The following CTNNA2 variants were observed in gnomAD, a reference collection of about 807,000 sequenced individuals.
CTNNA2 encodes catenin alpha-2.
A neutral mutation model predicts 101.0 loss-of-function variants in CTNNA2; 42 were observed. The observed-to-expected ratio is 0.42, with a 90% CI of 0.32 to 0.54. The LOEUF is 0.54. Among genes scored for constraint, CTNNA2 ranks in the 20% least tolerant of loss-of-function variants. The pLI is 0.14. For missense variants in CTNNA2, 871 were observed against 1,223.1 expected, an observed-to-expected ratio of 0.71 and a Z score of 4.29; for synonymous variants, 450 against 456.4, an observed-to-expected ratio of 0.99 and a Z score of 0.18.
intron 4 of CTNNA2, among the ~76,000 whole-genome samples, chr2:79,401,302 A>T (rs1678287485): frequency 6.6e-6 from 1 of 151,552 alleles, no homozygotes; most frequent in African/African-American, 2.4e-5. Context: ...GAAAAACTGA[A>T]CACCATTAAA....
intron 9 of CTNNA2, among the ~76,000 whole-genome samples, chr2:80,511,451 A>G (rs972163467): frequency 2.0e-5 from 3 of 152,154 alleles, no homozygotes; most frequent in Non-Finnish European, 4.4e-5. Flanking sequence ...ATCTTATACA[A>G]CTTCTATCCC....
At chr2:79,493,149 T>TA (rs1381003839) in intron 4 of CTNNA2, among the ~76,000 whole-genome samples, 1 of 151,034 alleles carries the variant, frequency 6.6e-6, no homozygotes, top group African/African-American at 2.4e-5. Flanking sequence ...CATTGTTATT[T>TA]AACATCATAC....
chr2:79,900,601 C>T (rs963572512), intron 6 of CTNNA2, among the ~76,000 whole-genome samples: 2 of 152,098 alleles, frequency 1.3e-5, no homozygotes, highest in South Asian at 2.1e-4. Context: ...TTTGCCCCCT[C>T]TTCGTTATGT....
At chr2:80,312,013 A>G (rs1406714329) in intron 7 of CTNNA2, among the ~76,000 whole-genome samples, 1 of 152,234 alleles carries the variant, frequency 6.6e-6, no homozygotes, top group East Asian at 1.9e-4. Flanking sequence ...AGACAACTAC[A>G]GTTCTTCTAC....
At chr2:80,642,679 T>C (rs894367881) in intron 18 of CTNNA2, among the ~76,000 whole-genome samples, 5 of 152,208 alleles carry the variant, frequency 3.3e-5, no homozygotes, top group Admixed American at 2.6e-4. Context: ...TAAGTCCTGT[T>C]TGAATGAAGT....
chr2:80,107,163 A>G (rs1018185985), intron 7 of CTNNA2, among the ~76,000 whole-genome samples: 31 of 152,168 alleles, frequency 2.0e-4, no homozygotes, highest in African/African-American at 5.8e-4. Flanking sequence ...CCCATGGCCC[A>G]AAGTGAGAAC....
chr2:79,423,908 A>G (rs1678566040), intron 4 of CTNNA2, among the ~76,000 whole-genome samples: 1 of 152,074 alleles, frequency 6.6e-6, no homozygotes, highest in Admixed American at 6.6e-5. Context: ...CTACTTGGAA[A>G]CTTTGCCAGA....
chr2:79,751,655 C>G (rs534048522), intron 3 of CTNNA2, among the ~76,000 whole-genome samples: 2 of 147,888 alleles, frequency 1.4e-5, no homozygotes, highest in East Asian at 2.0e-4. Flanking sequence ...TAGAACAGAT[C>G]CAGATAGGGA....
At position 79,833,215 on chromosome 2, in the gene CTNNA2, A is replaced by T. The variant is rs1008354608; in HGVS notation, c.299-24798A>T. Among the ~76,000 whole-genome samples, 6 of 152,326 alleles carry T rather than the reference A, an allele frequency of 3.9e-5. No homozygotes were observed. The East Asian group carries it at 9.7e-4, about 25-fold the overall frequency. ...TTCTGTGGATCACAAGATAATTTTTACTGTGGCTGAAAAACGGAGTTATAT... is the reference window on the plus strand; with the variant it reads ...TTCTGTGGATCACAAGATAATTTTTTCTGTGGCTGAAAAACGGAGTTATAT... On this transcript the variant is annotated intron_variant, in intron 3 of 18. Transcript: ENST00000402739.
intron 7 of CTNNA2, chr2:80,313,607 GA>G: frequency 6.2e-7 from 1 of 1,611,372 alleles, no homozygotes; most frequent in Non-Finnish European, 8.5e-7. Flanking sequence ...CAAAGTCTGT[GA>G]AAAAAATATG....
In CTNNA2 at chr2:79,653,591, A is replaced by T. The variant is rs185023209; in HGVS notation, c.102+1933A>T. ...TTAATCCTTATATGGCACTAGGAAA[A>T]TGTTATCCAGACATAAAATTGGCTT... On this transcript the variant is annotated intron_variant, in intron 2 of 18. Transcript: ENST00000402739. 2.4e-3 allele frequency among the ~76,000 whole-genome samples: 358 copies of T among 152,248 alleles called. 1 individual carries two copies. The highest frequency in any genetic ancestry group is 7.6e-3 in the African/African-American group (314 of 41,544).
At position 79,201,919 on chromosome 2, in the gene CTNNA2, T is replaced by C. The variant is rs146789626; in HGVS notation, c.-406+3843T>C. 2.8e-3 allele frequency among the ~76,000 whole-genome samples: 427 copies of C among 152,282 alleles called. 2 individuals are homozygous for C. The highest frequency in any genetic ancestry group is 3.7e-3 in the Non-Finnish European group (251 of 68,024). ...GGTGATCAGTGGTACAGTTTGCTTT[T>C]ATACGTTTTAGGGAGACATGAGACA... is the stretch of plus-strand genomic sequence containing the variant. On this transcript the variant is annotated intron_variant, in intron 2 of 21. Transcript: ENST00000466387.
chr2:79,929,948 G>A (rs916111859), intron 7 of CTNNA2, among the ~76,000 whole-genome samples: 1 of 151,956 alleles, frequency 6.6e-6, no homozygotes, highest in East Asian at 1.9e-4. Flanking sequence ...AAGTAATCTG[G>A]GTTCCTGGCC....
At chr2:80,199,181 A>AC (rs1707036477) in intron 7 of CTNNA2, among the ~76,000 whole-genome samples, 1 of 89,960 alleles carries the variant, frequency 1.1e-5, no homozygotes, top group Non-Finnish European at 2.2e-5. Context: ...ACTCCATCTC[A>AC]GAAAAAAAAA....
At chr2:80,051,473 G>A (rs1696872889) in intron 7 of CTNNA2, among the ~76,000 whole-genome samples, 1 of 152,194 alleles carries the variant, frequency 6.6e-6, no homozygotes. Context: ...AAGTGTGAAA[G>A]CATATTGTTT....
At chr2:80,230,083 A>C (rs773753932) in intron 7 of CTNNA2, among the ~76,000 whole-genome samples, 6 of 152,192 alleles carry the variant, frequency 3.9e-5, no homozygotes, top group Admixed American at 2.6e-4. Flanking sequence ...AGTAGGCTAC[A>C]CCATAGAGCC....
At chr2:80,340,775 C>A (rs141319846) in intron 7 of CTNNA2, among the ~76,000 whole-genome samples, 1 of 152,166 alleles carries the variant, frequency 6.6e-6, no homozygotes, top group East Asian at 1.9e-4. Context: ...CTGACATTAT[C>A]TACCTGGAGC....
chr2:80,339,747 G>T lies in CTNNA2; in HGVS notation c.1057-53464G>T, dbSNP rs539871077. 3.9e-5 allele frequency among the ~76,000 whole-genome samples: 6 copies of T among 152,266 alleles called. No individual in the cohort carries two copies. The East Asian group carries it at 1.2e-3, about 29-fold the overall frequency. On this transcript the variant is annotated intron_variant, in intron 7 of 18. Transcript: ENST00000402739. Reference sequence around the variant, plus strand: ...CTTAATAAAGCCATGAGAGGAAAGTGTAAGAAACAAACCATTTATTAACAG... The same window carrying T: ...CTTAATAAAGCCATGAGAGGAAAGTTTAAGAAACAAACCATTTATTAACAG...
Position 79,516,145 on chromosome 2 carries a change from G to GT in CTNNA2, c.-6+2944dup, listed in dbSNP as rs972117354. Among the ~76,000 whole-genome samples the GT allele has an allele frequency of 4.6e-5, 7 of 152,128 alleles. No individual in the cohort carries two copies. The East Asian group carries it at 1.4e-3, about 29-fold the overall frequency. ...ATGTCCTTGTGTACAATTTAAATCT[G>GT]TTTTTTCATCTATAAAATGAAAATT... On this transcript the variant is annotated intron_variant, in intron 1 of 18. Transcript: ENST00000402739.
Sources: gnomAD v4.1 joint callset for allele counts (sites outside exome capture counted in the v4.1 genomes callset) on GRCh38, gnomAD v4.1.1 for gene constraint, MANE v1.5 for transcripts, NCBI Gene and HGNC (gene_info 2026-07-23, HGNC 2026-07-21) for gene names.